BCAS3: variants seen among roughly 807,000 people sequenced by gnomAD.
BCAS3 encodes the protein BCAS4/BCAS3 fusion.
BCAS3 carries 53 observed loss-of-function variants against 116.1 expected under a neutral mutation model. The ratio of observed to expected loss-of-function variants is 0.46; its 90% CI spans 0.37 to 0.57. The LOEUF (loss-of-function observed/expected upper bound fraction) is 0.57, where lower values mean the gene tolerates loss of function less well. Ranked by LOEUF, BCAS3 falls within the 20% of genes least tolerant of loss-of-function variation. The pLI, the probability that BCAS3 is intolerant of heterozygous loss-of-function variation, is 0.00. For synonymous variants in BCAS3, 391 were observed against 408.2 expected (o/e 0.96, Z 0.51); for missense variants, 917 against 1,165.4 (o/e 0.79, Z 3.10).
intron 23 of BCAS3, among the ~76,000 whole-genome samples, chr17:61,386,548 G>A (rs1417370072): frequency 1.3e-5 from 2 of 152,138 alleles, no homozygotes; most frequent in African/African-American, 4.8e-5. Flanking sequence ...TTGTGGTGAC[G>A]GAAGTGCCAG....
chr17:60,745,316 G>A (rs2041935946), intron 5 of BCAS3, among the ~76,000 whole-genome samples: 1 of 151,350 alleles, frequency 6.6e-6, no homozygotes, highest in Non-Finnish European at 1.5e-5. Context: ...ACACTTATCT[G>A]TTACAATAAT....
intron 22 of BCAS3, among the ~76,000 whole-genome samples, chr17:61,150,791 T>C (rs1198939065): frequency 6.6e-6 from 1 of 152,216 alleles, no homozygotes; most frequent in Non-Finnish European, 1.5e-5. Flanking sequence ...ACAGGGCTCT[T>C]CTAACTTAAC....
rs2055513181 is a variant in BCAS3, at chr17:61,323,866, C to T, written c.2426-44461C>T. 6.6e-6 allele frequency among the ~76,000 whole-genome samples: 1 copy of T among 152,244 alleles called. No homozygotes were observed. The highest frequency in any genetic ancestry group is 1.5e-5 in the Non-Finnish European group (1 of 68,042). On this transcript the variant is annotated intron_variant, in intron 22 of 23. Transcript: ENST00000407086. This position sits in a 1 kb window ranked among gnomAD's most constrained non-coding sequence, Gnocchi z 4.6. ...TGGCCCCCTGGCCCCTGTGTGGGTT[C>T]CTTGGCTCCGTGTTTCTCGTCTTTC...
chr17:61,237,405 G>T lies in BCAS3; in HGVS notation c.2426-130922G>T, dbSNP rs547672266. Among the ~76,000 whole-genome samples, 6 of 152,322 alleles carry T rather than the reference G, an allele frequency of 3.9e-5. No individual in the cohort carries two copies. In the East Asian group the frequency reaches 1.2e-3, roughly 29 times the overall value. On this transcript the variant is annotated intron_variant, in intron 22 of 23. Coordinates refer to ENST00000407086, the MANE Select transcript of BCAS3 (RefSeq NM_017679.5). ...AAGGGCATTCTGATAGGACAGAAAC[G>T]GAACATGGGTGGGGACAAATAAAGG...
chr17:61,189,446 G>A lies in BCAS3; in HGVS notation c.2425+104882G>A, dbSNP rs992898661. Among the ~76,000 whole-genome samples, 1 of 152,206 alleles carries A rather than the reference G, an allele frequency of 6.6e-6. No individual in the cohort carries two copies. The highest frequency in any genetic ancestry group is 2.4e-5 in the African/African-American group (1 of 41,448). On this transcript the variant is annotated intron_variant, in intron 22 of 23. Transcript: ENST00000407086. The surrounding 1 kb of genome is among the most constrained non-coding windows in gnomAD (Gnocchi z 4.5). Reference sequence around the variant, plus strand: ...GGAACTTGGACTTATATCCTATAAGGATGGAGAAGGGTCTTAGGCAGAAGA... The same window carrying A: ...GGAACTTGGACTTATATCCTATAAGAATGGAGAAGGGTCTTAGGCAGAAGA...
intron 22 of BCAS3, chr17:61,086,805 A>G (rs2073128023): frequency 2.0e-6 from 2 of 985,274 alleles, no homozygotes; most frequent in South Asian, 4.7e-5. Context: ...CCTCATAGAT[A>G]AGGAATTGGA....
chr17:60,717,818 T>C (rs2038803438), intron 5 of BCAS3, among the ~76,000 whole-genome samples: 1 of 152,216 alleles, frequency 6.6e-6, no homozygotes, highest in Non-Finnish European at 1.5e-5. Context: ...AGTAAATTTA[T>C]TGTTCACTTT....
intron 14 of BCAS3, among the ~76,000 whole-genome samples, chr17:60,952,642 G>A (rs1190682727): frequency 1.3e-5 from 2 of 151,996 alleles, no homozygotes; most frequent in East Asian, 1.9e-4. Context: ...TTAAGTTCAG[G>A]GGTACATATG....
chr17:60,683,601 G>A (rs1003094516), intron 2 of BCAS3, among the ~76,000 whole-genome samples: 2 of 140,676 alleles, frequency 1.4e-5, no homozygotes, highest in African/African-American at 2.7e-5. Context: ...GAAGACTGAG[G>A]CGGGAGGATC....
At chr17:60,731,888 C>T (rs1354490198) in intron 5 of BCAS3, among the ~76,000 whole-genome samples, 1 of 151,240 alleles carries the variant, frequency 6.6e-6, no homozygotes, top group African/African-American at 2.4e-5. Flanking sequence ...AAGCAATTCT[C>T]CCATCTCAGC....
At chr17:60,921,840 A>G (rs1434256934) in intron 12 of BCAS3, among the ~76,000 whole-genome samples, 4 of 152,020 alleles carry the variant, frequency 2.6e-5, no homozygotes, top group African/African-American at 9.7e-5. Context: ...AACAATAACC[A>G]TAATAGAATT....
intron 22 of BCAS3, among the ~76,000 whole-genome samples, chr17:61,173,991 T>A (rs2079001990): frequency 6.6e-6 from 1 of 152,206 alleles, no homozygotes; most frequent in Admixed American, 6.5e-5. Flanking sequence ...TAATCCATTT[T>A]TAAAAATGGA....
chr17:61,099,627 T>C (rs1011199108), intron 22 of BCAS3, among the ~76,000 whole-genome samples: 1 of 152,232 alleles, frequency 6.6e-6, no homozygotes, highest in Non-Finnish European at 1.5e-5. Context: ...ACAGAATATT[T>C]CTTTGATACA....
chr17:61,172,712 G>A (rs1022635502), intron 22 of BCAS3, among the ~76,000 whole-genome samples: 5 of 150,870 alleles, frequency 3.3e-5, no homozygotes, highest in African/African-American at 7.3e-5. Context: ...TTGGCTGGGC[G>A]CGGTGGCTCA....
intron 22 of BCAS3, among the ~76,000 whole-genome samples, chr17:61,322,883 G>T (rs143053942): frequency 0.051 from 6,582 of 128,346 alleles, 328 homozygotes; most frequent in African/African-American, 0.14. Context: ...AGAGAGAGGT[G>T]GTGGGGGGTC....
chr17:61,147,509 CA>C (rs2077294181), intron 22 of BCAS3, among the ~76,000 whole-genome samples: 1 of 152,178 alleles, frequency 6.6e-6, no homozygotes, highest in Non-Finnish European at 1.5e-5. Flanking sequence ...AGGTGTGCAC[CA>C]TTGTACCTGG....
chr17:60,916,778 G>T lies in BCAS3; in HGVS notation c.993+6076G>T, dbSNP rs557633879. ...AATGAAAAGACAACTCACAGAAGGG[G>T]AGAAAATATTTGTAAATCATATTTT... is the stretch of plus-strand genomic sequence containing the variant. On this transcript the variant is annotated intron_variant, in intron 12 of 23. Coordinates refer to ENST00000407086, the MANE Select transcript of BCAS3 (RefSeq NM_017679.5). Among the ~76,000 whole-genome samples, 4 of 152,220 alleles carry T rather than the reference G, an allele frequency of 2.6e-5. No individual in the cohort carries two copies. In the South Asian group the frequency reaches 8.3e-4, roughly 32 times the overall value.
At chr17:61,154,560 C>A (rs2077724902) in intron 22 of BCAS3, among the ~76,000 whole-genome samples, 1 of 151,950 alleles carries the variant, frequency 6.6e-6, no homozygotes, top group Admixed American at 6.6e-5. Context: ...CTCAGCCACC[C>A]CAGTGGCTGG....
In BCAS3 at chr17:60,955,099, A is replaced by T. The variant is rs2061050262; in HGVS notation, c.1221+7747A>T. ...CTTGTTTGTCTCCACTAATACTGGG[A>T]TTTCTTTTAAAAATAAATTGTACCT... On this transcript the variant is annotated intron_variant, in intron 14 of 23. Transcript: ENST00000407086. 1.3e-5 allele frequency among the ~76,000 whole-genome samples: 2 copies of T among 151,910 alleles called. 1 individual carries two copies. The highest frequency in any genetic ancestry group is 2.9e-5 in the Non-Finnish European group (2 of 67,990).
Sources: allele counts gnomAD v4.1 joint callset (sites outside exome capture counted in the v4.1 genomes callset), GRCh38; gene constraint gnomAD v4.1.1; non-coding constraint Gnocchi (gnomAD v3.1); transcripts MANE v1.5; gene names NCBI Gene and HGNC (gene_info 2026-07-23, HGNC 2026-07-21).